SLC12A2: variants seen among roughly 807,000 people sequenced by gnomAD.
SLC12A2 encodes the protein Na-K-2Cl cotransporter 1.
In SLC12A2, 67 loss-of-function variants were observed where a neutral mutation model predicts 136.3. That is an observed-to-expected ratio of 0.49 (90% CI 0.40 to 0.60). The LOEUF (loss-of-function observed/expected upper bound fraction) is 0.60, where lower values mean the gene tolerates loss of function less well. SLC12A2 is among the 20% of genes least tolerant of loss of function. The pLI is 0.00. For synonymous variants in SLC12A2, 619 were observed against 562.9 expected, an observed-to-expected ratio of 1.10 and a Z score of -1.41; for missense variants, 1,322 against 1,534.7, an observed-to-expected ratio of 0.86 and a Z score of 2.32.
At chr5:128,174,456 A>G in intron 19 of SLC12A2, 85 bp from the exon 20 acceptor site, 2 of 992,254 alleles carry the variant, frequency 2.0e-6, no homozygotes, top group Non-Finnish European at 2.9e-6. Flanking sequence ...ATTTTTTCAT[A>G]ATAGTTTAAT....
chr5:128,184,647 TA>T (rs898504825), intron 25 of SLC12A2, 141 bp from the exon 26 acceptor site: 19 of 1,423,874 alleles, frequency 1.3e-5, no homozygotes, highest in Admixed American at 4.6e-5. Flanking sequence ...AAAGCATTTT[TA>T]AAAAAAATAA....
In SLC12A2 at chr5:128,084,229, G is replaced by A; in HGVS notation, c.275G>A (p.Arg92Gln). The A allele has an allele frequency of 7.8e-7, 1 of 1,276,026 alleles. No individual in the cohort carries two copies. The allele number at this position is 1,276,026 out of a possible 1,614,324, so 79.0% of individuals were successfully genotyped here. The change falls in exon 1 of 27, where the codon CGG (arginine) becomes CAG (glutamine). Residue 92 changes from arginine to glutamine, a missense_variant. Arg to Gln is a conservative substitution (Grantham distance 43, BLOSUM62 1). This residue lies in a region of SLC12A2 where 358 missense variants were observed against 299.7 expected (regional missense o/e 1.19). Coordinates refer to ENST00000262461, the MANE Select transcript of SLC12A2 (RefSeq NM_001046.3). The surrounding 1 kb of genome is among the most constrained non-coding windows in gnomAD (Gnocchi z 5.6). ...QVDLVSENAG[R>Q]AAAAAAAAAA... ...GACCTGGTTTCCGAGAACGCCGGGC[G>A]GGCCGCTGCTGCGGCGGCGGCGGCG...
chr5:128,105,991 T>G (rs1428694959), intron 1 of SLC12A2, among the ~76,000 whole-genome samples: 1 of 152,196 alleles, frequency 6.6e-6, no homozygotes, highest in Non-Finnish European at 1.5e-5. Flanking sequence ...CCTTTTTGAT[T>G]ACTGAGGGCC....
At chr5:128,124,737 A>G (rs751075760) in intron 4 of SLC12A2, among the ~76,000 whole-genome samples, 3 of 145,288 alleles carry the variant, frequency 2.1e-5, no homozygotes, top group Non-Finnish European at 4.5e-5. Flanking sequence ...GATTAGCTCA[A>G]TTTCTAGTGC....
chr5:128,095,789 C>G (rs992295782), intron 1 of SLC12A2, among the ~76,000 whole-genome samples: 1 of 152,048 alleles, frequency 6.6e-6, no homozygotes, highest in Non-Finnish European at 1.5e-5. Context: ...ATTGGATACT[C>G]CTGTCTTAGA....
At chr5:128,170,572 T>G (rs1165749717) in intron 18 of SLC12A2, 1 of 152,198 alleles carries the variant, frequency 6.6e-6, no homozygotes, top group Non-Finnish European at 1.5e-5. Context: ...ATGTCTACAT[T>G]GAATACTTAT....
At chr5:128,150,268 T>G (rs1581114057) in intron 13 of SLC12A2, among the ~76,000 whole-genome samples, 170 bp downstream of exon 13, 1 of 151,892 alleles carries the variant, frequency 6.6e-6, no homozygotes, top group East Asian at 1.9e-4. Flanking sequence ...ATCAGTAAGT[T>G]TACTGATAAT....
chr5:128,141,001 A>G (rs1422803555), intron 9 of SLC12A2, among the ~76,000 whole-genome samples: 4 of 150,020 alleles, frequency 2.7e-5, no homozygotes, highest in African/African-American at 1.0e-4. Context: ...ATGATGAAAT[A>G]ATACTGAAAA....
intron 15 of SLC12A2, among the ~76,000 whole-genome samples, chr5:128,155,025 G>C (rs951883158): frequency 6.6e-6 from 1 of 151,562 alleles, no homozygotes; most frequent in Admixed American, 6.6e-5. Flanking sequence ...TGTGCTTTGA[G>C]GGCATCATGA....
In SLC12A2 at chr5:128,115,822, T is replaced by C. The variant is rs138681945; in HGVS notation, c.1048+1141T>C. Among the ~76,000 whole-genome samples, 290 of 152,310 alleles carry C rather than the reference T, an allele frequency of 1.9e-3. 1 individual carries two copies. The highest frequency in any genetic ancestry group is 6.5e-3 in the African/African-American group (270 of 41,576). On this transcript the variant is annotated intron_variant, in intron 4 of 26. Transcript: ENST00000262461. ...GGAGGGATAGAGACAGAGAACCAGATTGAGCTTTTCATTTTTCACCATTGT... is the reference window on the plus strand; with the variant it reads ...GGAGGGATAGAGACAGAGAACCAGACTGAGCTTTTCATTTTTCACCATTGT...
chr5:128,172,425 A>G (rs1236505052), intron 19 of SLC12A2, among the ~76,000 whole-genome samples: 4 of 152,120 alleles, frequency 2.6e-5, no homozygotes, highest in Non-Finnish European at 4.4e-5. Context: ...TGTGCCACTT[A>G]TGTGTTCATT....
intron 10 of SLC12A2, among the ~76,000 whole-genome samples, chr5:128,144,246 T>A (rs544972299): frequency 3.3e-5 from 5 of 152,300 alleles, no homozygotes; most frequent in African/African-American, 9.6e-5. Flanking sequence ...GAATTTGGTA[T>A]AAGTAAAGCT....
chr5:128,114,696 T>C lies in SLC12A2; in HGVS notation c.1048+15T>C. On this transcript the variant is annotated intron_variant, in intron 4 of 26. Coordinates refer to ENST00000262461, the MANE Select transcript of SLC12A2 (RefSeq NM_001046.3). The stretch of plus-strand genomic sequence containing the variant: ...TGTAAGAGGAGGTAAGTAGAATCTT[T>C]TTGAATCATCATCATCAGATTACTC... 1 of 1,443,056 alleles carries C rather than the reference T, an allele frequency of 6.9e-7. No homozygotes were observed. The highest frequency in any genetic ancestry group is 2.3e-5 in the East Asian group (1 of 43,976). The allele number at this position is 1,443,056 out of a possible 1,614,324, so 89.4% of individuals were successfully genotyped here. A position where few individuals can be genotyped will look rare whatever the true frequency, so the allele number is the denominator to read the frequency against.
intron 26 of SLC12A2, 80 bp downstream of exon 26, chr5:128,184,936 C>A: frequency 1.7e-6 from 2 of 1,187,836 alleles, no homozygotes; most frequent in East Asian, 2.4e-5. Context: ...AAGTACATAT[C>A]TATATAACAC....
intron 23 of SLC12A2, among the ~76,000 whole-genome samples, 154 bp from the exon 24 acceptor site, chr5:128,182,701 C>T (rs1763742058): frequency 6.6e-6 from 1 of 152,054 alleles, no homozygotes; most frequent in Non-Finnish European, 1.5e-5. Context: ...TTTAAGTCTA[C>T]TTTGTGAATG....
chr5:128,131,120 A>G lies in SLC12A2; in HGVS notation c.1102A>G (p.Ile368Val), dbSNP rs770824206. Residue 368 changes from isoleucine (I) to valine (V), a missense_variant, in exon 5 of 27, where the codon ATT becomes GTT. Physicochemically the swap from Ile to Val is conservative, Grantham distance 29. Transcript: ENST00000262461. ...TCTAGGGCCAGAATTTGGTGGTGCAATTGGTCTAATCTTCGCCTTTGCCAA... is the reference window on the plus strand; with the variant it reads ...TCTAGGGCCAGAATTTGGTGGTGCAGTTGGTCTAATCTTCGCCTTTGCCAA... ...RSLGPEFGGA[I>V]GLIFAFANAV... is the part of the protein sequence containing the mutation. 6 of 1,614,048 alleles carry G rather than the reference A, an allele frequency of 3.7e-6. No individual in the cohort carries two copies. The highest frequency in any genetic ancestry group is 2.2e-5 in the East Asian group (1 of 44,880).
chr5:128,109,251 G>A (rs1377613289), intron 1 of SLC12A2, among the ~76,000 whole-genome samples: 1 of 152,232 alleles, frequency 6.6e-6, no homozygotes, highest in Non-Finnish European at 1.5e-5. Flanking sequence ...GTTCTTGGCC[G>A]GGTCAGCAGA....
rs370864015 is a variant in SLC12A2 at position 128,177,194 on chromosome 5, C to T, written c.2977+42C>T. ...ATTTTATTTTAAACCCTTTTTCATA[C>T]TGTAAACTCTTTAACTCCAACCTTA... On this transcript the variant is annotated intron_variant, in intron 21 of 26. Coordinates refer to ENST00000262461, the MANE Select transcript of SLC12A2 (RefSeq NM_001046.3). 2.1e-6 allele frequency: 3 copies of T among 1,403,712 alleles called. No individual in the cohort carries two copies. The African/African-American group carries it at 4.4e-5, about 21-fold the overall frequency. The allele number at this position is 1,403,712 out of a possible 1,614,324, so 87.0% of individuals were successfully genotyped here.
intron 17 of SLC12A2, among the ~76,000 whole-genome samples, chr5:128,166,173 AT>A (rs960110948): frequency 1.3e-5 from 2 of 151,002 alleles, no homozygotes; most frequent in African/African-American, 2.4e-5. Context: ...ATTTGAATTA[AT>A]TTTTTTTTCA....
Sources: allele counts gnomAD v4.1 joint callset (sites outside exome capture counted in the v4.1 genomes callset), GRCh38; gene constraint gnomAD v4.1.1; regional missense constraint gnomAD v4.1.1; non-coding constraint Gnocchi (gnomAD v3.1); transcripts MANE v1.5; gene names NCBI Gene and HGNC (gene_info 2026-07-23, HGNC 2026-07-21).